The following NBAS variants were observed in gnomAD, a reference collection of about 807,000 sequenced individuals.
NBAS encodes the protein NAG/BC035112 fusion.
NBAS carries 219 observed loss-of-function variants against 302.5 expected under a neutral mutation model. The observed-to-expected ratio is 0.72, with a 90% CI of 0.65 to 0.81. NBAS has a LOEUF of 0.81. Among genes scored for constraint, NBAS ranks in the 30% least tolerant of loss-of-function variants. The pLI is 0.00. For missense variants in NBAS, 2,932 were observed against 2,841.6 expected (o/e 1.03, Z -0.72); for synonymous variants, 1,118 against 1,021.6 (o/e 1.09, Z -1.80).
the NBAS span, among the ~76,000 whole-genome samples, chr2:14,846,684 G>A: frequency 3.3e-5 from 5 of 152,022 alleles, no homozygotes; most frequent in Admixed American, 6.6e-5. Flanking sequence ...TGGGGGTAAA[G>A]TTATAGAGTT....
chr2:14,830,295 T>C, the NBAS span, among the ~76,000 whole-genome samples: 1 of 150,640 alleles, frequency 6.6e-6, no homozygotes, highest in Non-Finnish European at 1.5e-5. Flanking sequence ...ATTAGCCTCA[T>C]GTAATTAACA....
At chr2:14,993,686 T>C in the NBAS span, among the ~76,000 whole-genome samples, 61 of 152,350 alleles carry the variant, frequency 4.0e-4, no homozygotes, top group Non-Finnish European at 7.9e-4. Context: ...AGCATGTTTA[T>C]TAAAAACCCA....
chr2:15,542,092 C>G lies in NBAS; in HGVS notation c.380-2736G>C, dbSNP rs1448851104. ...GCCGCCCCTACTGGGAAGTGAGGAG[C>G]CCCTCTGCCTGGCCACCACCCCGTC... On this transcript the variant is annotated intron_variant, in intron 6 of 51. Transcript: ENST00000281513. Among the ~76,000 whole-genome samples, 11 of 84,144 alleles carry G rather than the reference C, an allele frequency of 1.3e-4. 2 individuals carry two copies. Among genetic ancestry groups the G allele is most frequent in the African/African-American group, 4.7e-4 (11 of 23,298 alleles). The allele number at this position is 84,144 out of a possible 152,430, so 55.2% of individuals were successfully genotyped here.
At chr2:14,864,335 A>AG in the NBAS span, among the ~76,000 whole-genome samples, 209 of 151,628 alleles carry the variant, frequency 1.4e-3, no homozygotes, top group African/African-American at 4.8e-3. Flanking sequence ...AAAAAAAAAA[A>AG]AAAGAAAGAA....
intron 9 of NBAS, among the ~76,000 whole-genome samples, chr2:15,520,905 G>A (rs1382293876): frequency 1.3e-5 from 2 of 152,224 alleles, no homozygotes; most frequent in African/African-American, 4.8e-5. Context: ...GCCTCTAGGA[G>A]CTTAGGTTTC....
chr2:15,056,768 G>A, the NBAS span, among the ~76,000 whole-genome samples: 3 of 151,740 alleles, frequency 2.0e-5, no homozygotes, highest in Non-Finnish European at 2.9e-5. Context: ...AAGCAGGTTA[G>A]ACATCACACT....
chr2:15,501,584 ATTTT>A (rs70961416), intron 11 of NBAS, among the ~76,000 whole-genome samples: 3 of 107,220 alleles, frequency 2.8e-5, no homozygotes, highest in Non-Finnish European at 3.6e-5. Flanking sequence ...TGAACTAAAT[ATTTT>A]TTTTTTTTTT....
At chr2:15,505,311 C>T (rs1247823571) in intron 10 of NBAS, among the ~76,000 whole-genome samples, 1 of 152,094 alleles carries the variant, frequency 6.6e-6, no homozygotes, top group Admixed American at 6.6e-5. Context: ...AGACTAAGTC[C>T]ACTCTGAGTG....
the NBAS span, among the ~76,000 whole-genome samples, chr2:15,025,072 T>C: frequency 6.6e-6 from 1 of 152,198 alleles, no homozygotes; most frequent in Admixed American, 6.5e-5. Context: ...TCCTAGGTTA[T>C]CTTCCAAGGT....
At chr2:15,150,689 G>A in the NBAS span, among the ~76,000 whole-genome samples, 1 of 152,108 alleles carries the variant, frequency 6.6e-6, no homozygotes, top group Non-Finnish European at 1.5e-5. Context: ...ATATGATAAT[G>A]AGATAATTAA....
intron 7 of NBAS, among the ~76,000 whole-genome samples, chr2:15,538,621 G>A (rs1173310872): frequency 1.3e-5 from 2 of 152,126 alleles, no homozygotes; most frequent in East Asian, 3.9e-4. Context: ...ATCTCGTTCA[G>A]TTGATGAAGG....
At chr2:15,419,335 ATGTGTG>A (rs55830610) in intron 23 of NBAS, among the ~76,000 whole-genome samples, 90,326 of 149,956 alleles carry the variant, frequency 0.6, 27,855 homozygotes, top group Middle Eastern at 0.67. Flanking sequence ...ATACATATAT[ATGTGTG>A]TGTGTGTGTG....
chr2:15,302,160 C>G (rs1670830971), intron 40 of NBAS, among the ~76,000 whole-genome samples: 1 of 152,164 alleles, frequency 6.6e-6, no homozygotes, highest in Non-Finnish European at 1.5e-5. Context: ...AACTCTCACC[C>G]ACTCACTGGT....
chr2:15,546,553 AC>A (rs1048302403), intron 6 of NBAS, among the ~76,000 whole-genome samples: 6 of 152,094 alleles, frequency 3.9e-5, no homozygotes, highest in Non-Finnish European at 7.4e-5. Context: ...ACATGGTGAA[AC>A]CCCGACTCTA....
chr2:15,103,042 G>C, the NBAS span, among the ~76,000 whole-genome samples: 15 of 109,942 alleles, frequency 1.4e-4, no homozygotes, highest in East Asian at 1.2e-3. Context: ...GAGGGTCGGA[G>C]GGAGGGAGGG....
intron 48 of NBAS, among the ~76,000 whole-genome samples, chr2:15,213,550 T>C (rs1396966055): frequency 6.6e-6 from 1 of 152,150 alleles, no homozygotes; most frequent in Admixed American, 6.5e-5. Flanking sequence ...TATATTTCCC[T>C]GGAAAATAGG....
rs1442960927 is a variant in NBAS at position 15,536,513 on chromosome 2, A to C, written c.552T>G (p.Ala184=). 6.2e-7 allele frequency: 1 copy of C among 1,612,978 alleles called. No individual in the cohort carries two copies. The highest frequency in any genetic ancestry group is 1.1e-5 in the South Asian group (1 of 91,074). Residue 184 remains alanine, a synonymous_variant, in exon 8 of 52, where the codon GCT becomes GCG. Transcript: ENST00000281513. ...SFIGDLSYAI[A]GLIFLEYKAS... is the part of the protein sequence containing the mutation. Reference sequence around the variant, plus strand: ...CTTTATATTCTAAAAATATCAACCCAGCAATGGCATAGCTTAAGTCACCTA... The same window carrying C: ...CTTTATATTCTAAAAATATCAACCCCGCAATGGCATAGCTTAAGTCACCTA...
the NBAS span, among the ~76,000 whole-genome samples, chr2:14,933,563 T>G: frequency 1.3e-5 from 2 of 152,072 alleles, no homozygotes; most frequent in Non-Finnish European, 2.9e-5. Context: ...TGCTAATTTC[T>G]CTTTTTTTTC....
intron 21 of NBAS, among the ~76,000 whole-genome samples, chr2:15,437,875 G>A (rs1477756478): frequency 6.6e-6 from 1 of 152,170 alleles, no homozygotes; most frequent in Non-Finnish European, 1.5e-5. Flanking sequence ...GGTATTCAAA[G>A]AGAAAATGAC....
Sources: allele counts gnomAD v4.1 joint callset (sites outside exome capture counted in the v4.1 genomes callset), GRCh38; gene constraint gnomAD v4.1.1; transcripts MANE v1.5; gene names NCBI Gene and HGNC (gene_info 2026-07-23, HGNC 2026-07-21).